CADM2: variants seen among roughly 807,000 people sequenced by gnomAD.
CADM2 encodes the protein immunoglobulin superfamily member 4D.
A neutral mutation model predicts 49.8 loss-of-function variants in CADM2; 12 were observed. The ratio of observed to expected loss-of-function variants is 0.24; its 90% confidence interval spans 0.15 to 0.39. The LOEUF (loss-of-function observed/expected upper bound fraction) is 0.39, where lower values mean the gene tolerates loss of function less well. CADM2 is among the 10% of genes least tolerant of loss of function. The pLI is 1.00. For synonymous variants in CADM2, 214 were observed against 175.4 expected, an observed-to-expected ratio of 1.22 and a Z score of -1.74; for missense variants, 378 against 492.3, an observed-to-expected ratio of 0.77 and a Z score of 2.20.
At chr3:84,995,873 G>A (rs1475099196) in intron 1 of CADM2, among the ~76,000 whole-genome samples, 1 of 152,146 alleles carries the variant, frequency 6.6e-6, no homozygotes, top group Admixed American at 6.5e-5. Flanking sequence ...TGGCTGAAAT[G>A]CCTGATGGGA....
At chr3:84,991,389 G>A (rs1176840345) in intron 1 of CADM2, among the ~76,000 whole-genome samples, 1 of 152,066 alleles carries the variant, frequency 6.6e-6, no homozygotes, top group Non-Finnish European at 1.5e-5. Flanking sequence ...ACAACAAAGT[G>A]AATTTGTAGT....
intron 1 of CADM2, among the ~76,000 whole-genome samples, chr3:85,706,165 A>G (rs2066943530): frequency 6.6e-6 from 1 of 152,178 alleles, no homozygotes; most frequent in Non-Finnish European, 1.5e-5. Flanking sequence ...GTCTATTATT[A>G]AAACCAGCTG....
At chr3:85,942,023 T>C (rs892004080) in intron 7 of CADM2, among the ~76,000 whole-genome samples, 1 of 152,166 alleles carries the variant, frequency 6.6e-6, no homozygotes, top group African/African-American at 2.4e-5. Flanking sequence ...TCTTTCCCAG[T>C]AACACAGCTG....
At chr3:85,996,290 C>CTTTTTTTTTTTTTT (rs397990432) in intron 8 of CADM2, among the ~76,000 whole-genome samples, 21 of 89,310 alleles carry the variant, frequency 2.4e-4, no homozygotes, top group Non-Finnish European at 3.2e-4. Context: ...TTTTCATTTA[C>CTTTTTTTTTTTTTT]TTTTTTTTTT....
In CADM2 at chr3:85,139,475, A is replaced by G. The variant is rs374637878; in HGVS notation, c.61+179807A>G. On this transcript the variant is annotated intron_variant, in intron 1 of 9. Transcript: ENST00000383699. ...TTGCATTATCTAGTTGGCTATGCTA[A>G]CTTCTTATTTCAGAGAGTTTGTATT... is the stretch of plus-strand genomic sequence containing the variant. 5.9e-5 allele frequency among the ~76,000 whole-genome samples: 9 copies of G among 152,190 alleles called. No individual in the cohort carries two copies. The East Asian group carries it at 1.4e-3, about 23-fold the overall frequency.
chr3:85,424,968 TGA>T (rs547242253), intron 1 of CADM2, among the ~76,000 whole-genome samples: 25 of 152,260 alleles, frequency 1.6e-4, no homozygotes, highest in Non-Finnish European at 3.2e-4. Context: ...ACTCCATTAA[TGA>T]GAACCTCAAG....
intron 3 of CADM2, among the ~76,000 whole-genome samples, chr3:85,813,142 T>C (rs959031129): frequency 6.6e-6 from 1 of 152,200 alleles, no homozygotes; most frequent in Non-Finnish European, 1.5e-5. Context: ...TCCACAATGG[T>C]TGAACTAATT....
chr3:85,984,876 T>A (rs1185836803), intron 8 of CADM2, among the ~76,000 whole-genome samples: 1 of 151,990 alleles, frequency 6.6e-6, no homozygotes, highest in Non-Finnish European at 1.5e-5. Flanking sequence ...ATTTGTCTGG[T>A]AATCTCAACA....
chr3:85,672,701 A>G (rs908177393), intron 1 of CADM2, among the ~76,000 whole-genome samples: 1 of 152,090 alleles, frequency 6.6e-6, no homozygotes, highest in South Asian at 2.1e-4. Context: ...TGATTTTGAA[A>G]CCCTTTTAAA....
At chr3:85,295,766 G>A (rs942521490) in intron 1 of CADM2, among the ~76,000 whole-genome samples, 1 of 151,942 alleles carries the variant, frequency 6.6e-6, no homozygotes, top group African/African-American at 2.4e-5. Context: ...ATCACACTCT[G>A]GGGACTGTTG....
intron 1 of CADM2, among the ~76,000 whole-genome samples, chr3:85,393,756 GA>G (rs1180305474): frequency 6.6e-6 from 1 of 150,820 alleles, no homozygotes. Flanking sequence ...TCTCCATTAA[GA>G]TTTTTTTTAA....
At chr3:85,636,496 C>T (rs559483008) in intron 1 of CADM2, among the ~76,000 whole-genome samples, 1 of 151,952 alleles carries the variant, frequency 6.6e-6, no homozygotes, top group South Asian at 2.1e-4. Context: ...TTTACAGTAA[C>T]CTAAGGCTAA....
intron 1 of CADM2, among the ~76,000 whole-genome samples, chr3:85,025,951 T>C (rs1427537544): frequency 6.6e-6 from 1 of 152,098 alleles, no homozygotes; most frequent in Admixed American, 6.6e-5. Flanking sequence ...GAAATAAAGA[T>C]TTTCTGGCTC....
intron 2 of CADM2, among the ~76,000 whole-genome samples, chr3:85,742,333 A>G (rs1040963682): frequency 1.3e-5 from 2 of 152,276 alleles, no homozygotes; most frequent in East Asian, 3.9e-4. Context: ...CTTTCTACCT[A>G]TGTTAACCTT....
At chr3:84,982,226 T>C (rs909826207) in intron 1 of CADM2, among the ~76,000 whole-genome samples, 1 of 152,180 alleles carries the variant, frequency 6.6e-6, no homozygotes, top group Non-Finnish European at 1.5e-5. Context: ...TTCAAGGTGA[T>C]AGAATATGTA....
chr3:86,013,958 T>C lies in CADM2; in HGVS notation c.971-51647T>C, dbSNP rs1370582652. ...ATATGTGGTTGGCAAAATCAGTACCTGTTATGGGAGTATCTGTTGCATTAG... is the reference window on the plus strand; with the variant it reads ...ATATGTGGTTGGCAAAATCAGTACCCGTTATGGGAGTATCTGTTGCATTAG... On this transcript the variant is annotated intron_variant, in intron 8 of 9. Coordinates refer to ENST00000383699, the MANE Select transcript of CADM2 (RefSeq NM_001167675.2). 1.9e-6 allele frequency: 3 copies of C among 1,553,454 alleles called. No homozygotes were observed. In the African/African-American group the frequency reaches 4.1e-5, roughly 21 times the overall value.
intron 8 of CADM2, among the ~76,000 whole-genome samples, chr3:86,026,387 A>G (rs1172899483): frequency 2.0e-5 from 3 of 151,792 alleles, no homozygotes; most frequent in Admixed American, 1.3e-4. Flanking sequence ...GTCACAATTT[A>G]CACTGAGTTT....
intron 1 of CADM2, among the ~76,000 whole-genome samples, chr3:85,389,137 A>C (rs2034394820): frequency 6.6e-6 from 1 of 152,096 alleles, no homozygotes; most frequent in Non-Finnish European, 1.5e-5. Context: ...ACTTATGTGC[A>C]TTTCTATGGC....
At chr3:86,037,629 T>C (rs1049523493) in intron 8 of CADM2, among the ~76,000 whole-genome samples, 1 of 152,148 alleles carries the variant, frequency 6.6e-6, no homozygotes, top group Non-Finnish European at 1.5e-5. Flanking sequence ...AGGTTTTACA[T>C]GAACAATCAA....
Sources: gnomAD v4.1 joint callset for allele counts (sites outside exome capture counted in the v4.1 genomes callset) on GRCh38, gnomAD v4.1.1 for gene constraint, MANE v1.5 for transcripts, NCBI Gene and HGNC (gene_info 2026-07-23, HGNC 2026-07-21) for gene names.